CCDC144A: variants seen among roughly 807,000 people sequenced by gnomAD.
CCDC144A encodes the protein coiled-coil domain-containing protein 144A.
CCDC144A carries 41 observed loss-of-function variants against 143.8 expected under a neutral mutation model. The observed-to-expected ratio is 0.29, with a 90% CI of 0.22 to 0.37. The LOEUF (loss-of-function observed/expected upper bound fraction) is 0.37. Ranked by LOEUF, CCDC144A falls within the 10% of genes least tolerant of loss-of-function variation. The probability of loss-of-function intolerance (pLI) is 1.00; values close to 1 mark genes in which losing one functional copy is unlikely to be tolerated. For synonymous variants in CCDC144A, 242 were observed against 517.9 expected (o/e 0.47, Z 7.23); for missense variants, 637 against 1,488.8 (o/e 0.43, Z 9.41).
In CCDC144A at chr17:16,707,214, C is replaced by A. The variant is rs1912114898; in HGVS notation, c.665-255C>A. 7.7e-6 allele frequency: 3 copies of A among 391,508 alleles called. No individual in the cohort carries two copies. The South Asian group carries it at 1.3e-4, about 17-fold the overall frequency. 24.3% of individuals were successfully genotyped at this position (391,508 alleles called of 1,614,324 possible). On this transcript the variant is annotated intron_variant, in intron 3 of 16. Transcript: ENST00000399273. ...GTTCATTGATGTTGGGTGGATGAAT[C>A]TGTGAGTGAATCTTCAACATGATTG...
chr17:16,746,323 C>G, intron 12 of CCDC144A: 1 of 1,151,656 alleles, frequency 8.7e-7, no homozygotes, highest in Non-Finnish European at 1.2e-6. Flanking sequence ...CCTCTTCCCG[C>G]AAACGTTTAT....
At chr17:16,756,803 G>A (rs1176463791) in intron 12 of CCDC144A, among the ~76,000 whole-genome samples, 1 of 152,024 alleles carries the variant, frequency 6.6e-6, no homozygotes, top group South Asian at 2.1e-4. Context: ...TATCTATGTT[G>A]TTGGTTGAAT....
chr17:16,746,798 C>G, intron 12 of CCDC144A: 3 of 1,484,786 alleles, frequency 2.0e-6, no homozygotes, highest in Non-Finnish European at 2.8e-6. Flanking sequence ...CGGGGCGGAG[C>G]GTGGACAAGG....
intron 2 of CCDC144A, among the ~76,000 whole-genome samples, chr17:16,693,420 A>G (rs1352280304): frequency 2.0e-5 from 3 of 150,964 alleles, no homozygotes; most frequent in Non-Finnish European, 4.4e-5. Context: ...GGTTCACGCC[A>G]TTCTCTTGCC....
At chr17:16,668,463 G>A in the CCDC144A span, among the ~76,000 whole-genome samples, 6 of 152,180 alleles carry the variant, frequency 3.9e-5, no homozygotes, top group South Asian at 8.3e-4. Flanking sequence ...AAACTACTTC[G>A]TTATGAAGAT....
chr17:16,767,848 C>G (rs1915672300), intron 15 of CCDC144A, among the ~76,000 whole-genome samples: 1 of 152,198 alleles, frequency 6.6e-6, no homozygotes, highest in African/African-American at 2.4e-5. Flanking sequence ...TCTCTCACCC[C>G]ATTATATGAA....
Position 16,708,946 on chromosome 17 carries a change from G to T in CCDC144A, c.889G>T (p.Glu297Ter), listed in dbSNP as rs756887709. 7 of 1,611,548 alleles carry T rather than the reference G, an allele frequency of 4.3e-6. No homozygotes were observed. The South Asian group carries it at 7.7e-5, about 18-fold the overall frequency. Residue 297 changes from glutamate (E) to a stop codon, truncating the protein, a stop_gained, in exon 5 of 17, where the codon GAG becomes TAG. Transcript: ENST00000399273. LOFTEE classifies it high-confidence loss of function. ...WKNQLKLVIN[E>*]LKQRFGEIYE... ...AAACCAATTAAAACTCGTCATAAAT[G>T]AGTTAAAGCAGAGGTTTGGTGAAAT...
At chr17:16,670,276 G>T in the CCDC144A span, among the ~76,000 whole-genome samples, 2 of 148,688 alleles carry the variant, frequency 1.3e-5, no homozygotes, top group African/African-American at 2.5e-5. Context: ...AAATAATCTT[G>T]TGTTTTTCTT....
intron 2 of CCDC144A, among the ~76,000 whole-genome samples, chr17:16,696,135 C>T (rs901985839): frequency 9.9e-5 from 15 of 152,174 alleles, no homozygotes; most frequent in Non-Finnish European, 1.9e-4. Context: ...GTGCCTCAGC[C>T]TCCCAGGTAG....
chr17:16,698,733 A>G (rs1911558212), intron 2 of CCDC144A, among the ~76,000 whole-genome samples: 2 of 152,246 alleles, frequency 1.3e-5, no homozygotes, highest in Admixed American at 6.5e-5. Context: ...ATGCACGTAT[A>G]TATCCTTCCT....
chr17:16,753,572 TG>T (rs1194032300), intron 12 of CCDC144A, among the ~76,000 whole-genome samples: 1 of 151,778 alleles, frequency 6.6e-6, no homozygotes, highest in Non-Finnish European at 1.5e-5. Context: ...TGATTATTAG[TG>T]TATAGAAATG....
intron 11 of CCDC144A, among the ~76,000 whole-genome samples, chr17:16,733,491 G>A (rs1250371710): frequency 6.7e-5 from 10 of 148,666 alleles, no homozygotes; most frequent in African/African-American, 2.2e-4. Flanking sequence ...GTAACAGTGC[G>A]AGACTCCGTC....
the CCDC144A span, among the ~76,000 whole-genome samples, chr17:16,668,153 G>T: frequency 1.4e-5 from 2 of 147,126 alleles, no homozygotes; most frequent in Non-Finnish European, 3.0e-5. Flanking sequence ...CCAAAAGACC[G>T]AAGTTTTACT....
At chr17:16,752,107 T>G (rs1226120586) in intron 12 of CCDC144A, among the ~76,000 whole-genome samples, 2 of 152,130 alleles carry the variant, frequency 1.3e-5, no homozygotes, top group African/African-American at 4.8e-5. Context: ...TGTTAGGAAC[T>G]GGGCCGCACA....
In CCDC144A at chr17:16,700,246, A is replaced by G. The variant is rs550117096; in HGVS notation, c.416-4905A>G. 1.5e-3 allele frequency among the ~76,000 whole-genome samples: 229 copies of G among 152,350 alleles called. 1 individual carries two copies. Among genetic ancestry groups the G allele is most frequent in the Non-Finnish European group, 2.0e-3 (133 of 68,044 alleles). On this transcript the variant is annotated intron_variant, in intron 2 of 16. Transcript: ENST00000399273. ...AGTCATCTCCTGTGTAGCTAGCAGGATATGCTTAATTCCCCCAGCCTCAAA... is the reference window on the plus strand; with the variant it reads ...AGTCATCTCCTGTGTAGCTAGCAGGGTATGCTTAATTCCCCCAGCCTCAAA...
intron 2 of CCDC144A, among the ~76,000 whole-genome samples, chr17:16,704,130 T>C (rs1247701396): frequency 1.3e-5 from 2 of 152,140 alleles, no homozygotes; most frequent in Non-Finnish European, 2.9e-5. Context: ...TTATGTGTTT[T>C]TGGCTTTTTT....
intron 1 of CCDC144A, among the ~76,000 whole-genome samples, chr17:16,692,292 G>A (rs1304268112): frequency 7.3e-5 from 11 of 150,380 alleles, no homozygotes; most frequent in East Asian, 1.9e-4. Context: ...TCCCCTTGGC[G>A]TGATTGATGA....
intron 12 of CCDC144A, chr17:16,746,027 G>A (rs1914487003): frequency 1.2e-6 from 2 of 1,611,854 alleles, no homozygotes; most frequent in East Asian, 4.5e-5. Context: ...CCACATCCCT[G>A]TGCTCTTTAT....
At chr17:16,678,185 C>T in the CCDC144A span, among the ~76,000 whole-genome samples, 3 of 151,882 alleles carry the variant, frequency 2.0e-5, no homozygotes, top group African/African-American at 7.2e-5. Flanking sequence ...TTCTACATCC[C>T]CTGATCTGAA....
Sources: allele counts gnomAD v4.1 joint callset (sites outside exome capture counted in the v4.1 genomes callset), GRCh38; gene constraint gnomAD v4.1.1; transcripts MANE v1.5; gene names NCBI Gene and HGNC (gene_info 2026-07-23, HGNC 2026-07-21).